C2orf72: variants seen among roughly 807,000 people sequenced by gnomAD.
C2orf72 encodes the protein chromosome 2 open reading frame 72.
A neutral mutation model predicts 14.4 loss-of-function variants in C2orf72; 16 were observed. That is an observed-to-expected ratio of 1.11 (90% CI 0.75 to 1.69). C2orf72 has a LOEUF of 1.69. Ranked by LOEUF, C2orf72 falls within the 40% of genes most tolerant of loss-of-function variation. The probability of loss-of-function intolerance (pLI) is 0.00; values close to 1 mark genes in which losing one functional copy is unlikely to be tolerated. For missense variants in C2orf72, 371 were observed against 358.3 expected (o/e 1.04, Z -0.29); for synonymous variants, 168 against 176.8 (o/e 0.95, Z 0.40).
chr2:231,044,962 T>TATATATATATATATAC (rs985747494), intron 2 of C2orf72, among the ~76,000 whole-genome samples: 78 of 146,428 alleles, frequency 5.3e-4, no homozygotes, highest in Non-Finnish European at 6.1e-4. Context: ...TATATATATA[T>TATATATATATATATAC]ACACACACAC....
chr2:231,046,367 C>CTT (rs1288122921), intron 2 of C2orf72, among the ~76,000 whole-genome samples: 1 of 147,248 alleles, frequency 6.8e-6, no homozygotes, highest in Non-Finnish European at 1.5e-5. Flanking sequence ...TATATATTGT[C>CTT]TTTAATACCT....
Position 231,038,065 on chromosome 2 carries a change from T to A in C2orf72, c.500T>A (p.Leu167Ter), listed in dbSNP as rs922773162. Residue 167 changes from leucine (L) to a stop codon, truncating the protein, a stop_gained, in exon 1 of 3, where the codon TTG becomes TAG. Transcript: ENST00000373640. LOFTEE classifies it high-confidence loss of function. Reference protein sequence around the residue: ...APGLRLLEALLRAVFGRQAGG... With the variant: ...APGLRLLEAL ...GGGCTGCGGCTGCTGGAGGCGCTGT[T>A]GCGCGCCGTGTTCGGCCGCCAGGCG... 23 of 1,125,944 alleles carry A rather than the reference T, an allele frequency of 2.0e-5. No homozygotes were observed. Among genetic ancestry groups the A allele is most frequent in the South Asian group, 4.3e-5 (1 of 23,402 alleles). 69.7% of individuals were successfully genotyped at this position (1,125,944 alleles called of 1,614,324 possible).
rs1213685619 is a variant in C2orf72 at position 231,037,631 on chromosome 2, G to T, written c.66G>T (p.Ala22=). The change falls in exon 1 of 3, where the codon GCG becomes GCT. Residue 22 remains alanine, a synonymous_variant. Coordinates refer to ENST00000373640, the MANE Select transcript of C2orf72 (RefSeq NM_001144994.2). ...GCCCTGCCGAGCCGCCCTTCCAGGC[G>T]TTGGTGGAAGCGGCGGGGGGCCGCG... is the stretch of plus-strand genomic sequence containing the variant. ...LARPAEPPFQ[A]LVEAAGGRGQ... The T allele has an allele frequency of 1.9e-5, 21 of 1,117,222 alleles. No individual in the cohort carries two copies. The highest frequency in any genetic ancestry group is 2.3e-5 in the Non-Finnish European group (21 of 910,468). 69.2% of individuals were successfully genotyped at this position (1,117,222 alleles called of 1,614,324 possible).
chr2:231,044,426 C>T (rs374000943), intron 2 of C2orf72, among the ~76,000 whole-genome samples: 2 of 152,174 alleles, frequency 1.3e-5, no homozygotes, highest in Non-Finnish European at 2.9e-5. Context: ...GAGGATGGCT[C>T]GGGCCCAAGA....
At chr2:231,039,806 G>A (rs969596511) in intron 1 of C2orf72, among the ~76,000 whole-genome samples, 2 of 151,082 alleles carry the variant, frequency 1.3e-5, no homozygotes, top group African/African-American at 4.9e-5. Context: ...GCAATGATGC[G>A]ATCTCTGCTC....
chr2:231,039,558 C>T (rs148388591), intron 1 of C2orf72, among the ~76,000 whole-genome samples: 2 of 152,240 alleles, frequency 1.3e-5, no homozygotes, highest in Non-Finnish European at 2.9e-5. Flanking sequence ...CTGCCAATGT[C>T]ACATTCACCT....
Position 231,047,503 on chromosome 2 carries a change from G to A in C2orf72, c.*482G>A, listed in dbSNP as rs375062605. On this transcript the variant is annotated 3_prime_UTR_variant, in exon 3 of 3. Coordinates refer to ENST00000373640, the MANE Select transcript of C2orf72 (RefSeq NM_001144994.2). ...TCACAAATGCATGAGGGGGCCACCA[G>A]CCCAGTGGCTTTAAACCAGGGGCAG... The A allele has an allele frequency of 1.7e-5, 5 of 286,964 alleles. No individual in the cohort carries two copies. The highest frequency in any genetic ancestry group is 1.1e-4 in the African/African-American group (5 of 45,768). 17.8% of individuals were successfully genotyped at this position (286,964 alleles called of 1,614,324 possible). A position where few individuals can be genotyped will look rare whatever the true frequency, so the allele number is the denominator to read the frequency against.
chr2:231,045,867 G>A (rs1693409065), intron 2 of C2orf72, among the ~76,000 whole-genome samples: 1 of 152,110 alleles, frequency 6.6e-6, no homozygotes, highest in Admixed American at 6.5e-5. Context: ...GTTCGTAATT[G>A]ACCAAAATGT....
chr2:231,047,554 A>C lies in C2orf72; in HGVS notation c.*533A>C. On this transcript the variant is annotated 3_prime_UTR_variant, in exon 3 of 3. Transcript: ENST00000373640. ...GTTGTCCCTCCAGGCAGCATTGGAA[A>C]TGTGTGTGTGTTGAGGGGGTCACAG... The C allele has an allele frequency of 3.7e-6, 1 of 270,944 alleles. No homozygotes were observed. The highest frequency in any genetic ancestry group is 7.4e-6 in the Non-Finnish European group (1 of 135,762). The allele number at this position is 270,944 out of a possible 1,614,324, so 16.8% of individuals were successfully genotyped here.
In C2orf72 at chr2:231,041,418, T is replaced by A. The variant is rs1312724128; in HGVS notation, c.748+9T>A. 1 of 1,540,116 alleles carries A rather than the reference T, an allele frequency of 6.5e-7. No individual in the cohort carries two copies. Among genetic ancestry groups the A allele is most frequent in the Non-Finnish European group, 8.8e-7 (1 of 1,137,552 alleles). On this transcript the variant is annotated intron_variant, in intron 2 of 2. Transcript: ENST00000373640. The stretch of plus-strand genomic sequence containing the variant: ...CAGAAGCTCAGCTCAGGGTGAGTGC[T>A]CCCCGACCTCCTGCATCCTGAGGGC...
intron 1 of C2orf72, among the ~76,000 whole-genome samples, chr2:231,038,474 A>T (rs946963435): frequency 6.0e-5 from 8 of 134,404 alleles, no homozygotes; most frequent in Admixed American, 4.5e-4. Flanking sequence ...GGGTAGAGAG[A>T]AGGGATGAAT....
intron 1 of C2orf72, among the ~76,000 whole-genome samples, chr2:231,038,684 G>A (rs1236699878): frequency 8.5e-5 from 13 of 152,108 alleles, no homozygotes; most frequent in Admixed American, 8.5e-4. Flanking sequence ...GGGGCGGAGG[G>A]GCATCTCCAG....
Position 231,047,741 on chromosome 2 carries a change from G to C in C2orf72, c.*720G>C. The C allele has an allele frequency of 6.4e-6, 1 of 156,660 alleles. No individual in the cohort carries two copies. The highest frequency in any genetic ancestry group is 1.4e-5 in the Non-Finnish European group (1 of 70,746). The allele number at this position is 156,660 out of a possible 1,614,324, so 9.7% of individuals were successfully genotyped here. A position where few individuals can be genotyped will look rare whatever the true frequency, so the allele number is the denominator to read the frequency against. ...GTCAGAGTCCCCCAGAGCAGAGAGG[G>C]TCAGGCTTCCCTGGACCTTGGCTCC... On this transcript the variant is annotated 3_prime_UTR_variant, in exon 3 of 3. Transcript: ENST00000373640.
In C2orf72 at chr2:231,047,102, G is replaced by A. The variant is rs1693428564; in HGVS notation, c.*81G>A. ...GTCTTACTGGCCCCCAGGTCTCCAT[G>A]GAGACTGCAGAAACCCCCGCCTGCT... On this transcript the variant is annotated 3_prime_UTR_variant, in exon 3 of 3. Transcript: ENST00000373640. 2 of 1,524,242 alleles carry A rather than the reference G, an allele frequency of 1.3e-6. No individual in the cohort carries two copies. The highest frequency in any genetic ancestry group is 1.8e-6 in the Non-Finnish European group (2 of 1,123,472). The allele number at this position is 1,524,242 out of a possible 1,614,324, so 94.4% of individuals were successfully genotyped here.
rs1406139487 is a variant in C2orf72, at chr2:231,048,939, G to A, written c.*1918G>A. 1.3e-5 allele frequency: 2 copies of A among 152,202 alleles called. No homozygotes were observed. Among genetic ancestry groups the A allele is most frequent in the Non-Finnish European group, 2.9e-5 (2 of 68,036 alleles). The allele number at this position is 152,202 out of a possible 1,614,324, so 9.4% of individuals were successfully genotyped here. The stretch of plus-strand genomic sequence containing the variant: ...ATTAAAGTTTTCTTATTTAGTGGGA[G>A]AGGGAGCTTTGTTTAAGTTTGGAAT... On this transcript the variant is annotated 3_prime_UTR_variant, in exon 3 of 3. Transcript: ENST00000373640.
chr2:231,048,082 T>C lies in C2orf72; in HGVS notation c.*1061T>C, dbSNP rs776173638. 7.2e-5 allele frequency: 11 copies of C among 152,260 alleles called. No individual in the cohort carries two copies. Among genetic ancestry groups the C allele is most frequent in the Non-Finnish European group, 1.2e-4 (8 of 68,074 alleles). 9.4% of individuals were successfully genotyped at this position (152,260 alleles called of 1,614,324 possible). ...AGCCCCTCCGGGCTCTCTGTTTCTG[T>C]GAGGTTCTGGAATCCCTTCCTCTGT... On this transcript the variant is annotated 3_prime_UTR_variant, in exon 3 of 3. Coordinates refer to ENST00000373640, the MANE Select transcript of C2orf72 (RefSeq NM_001144994.2).
At chr2:231,041,701 G>A (rs1055480347) in intron 2 of C2orf72, among the ~76,000 whole-genome samples, 3 of 151,988 alleles carry the variant, frequency 2.0e-5, no homozygotes, top group Non-Finnish European at 4.4e-5. Context: ...GACGTGCATG[G>A]GACCAAACAC....
At chr2:231,040,286 C>G (rs1408699407) in intron 1 of C2orf72, among the ~76,000 whole-genome samples, 1 of 152,180 alleles carries the variant, frequency 6.6e-6, no homozygotes. Context: ...TGATTTTGTT[C>G]CCTTGTGGGT....
Position 231,038,086 on chromosome 2 carries a change from A to T in C2orf72, c.521A>T (p.Gln174Leu). ...EALLRAVFGRQAGGPVQAAAY... is the reference protein window; with the variant it reads ...EALLRAVFGRLAGGPVQAAAY... ...CTGTTGCGCGCCGTGTTCGGCCGCC[A>T]GGCGGGGGGGCCCGTGCAGGCGGCC... is the stretch of plus-strand genomic sequence containing the variant. Residue 174 changes from glutamine to leucine, a missense_variant, in exon 1 of 3, where the codon CAG becomes CTG. Physicochemically the swap from Gln to Leu is moderately radical, Grantham distance 113. Around this residue, in one of 3 missense-constraint regions of C2orf72, gnomAD observed 145 missense variants for 149.4 expected, o/e 0.97. Coordinates refer to ENST00000373640, the MANE Select transcript of C2orf72 (RefSeq NM_001144994.2). The T allele has an allele frequency of 8.7e-7, 1 of 1,144,560 alleles. No individual in the cohort carries two copies. Among genetic ancestry groups the T allele is most frequent in the Non-Finnish European group, 1.1e-6 (1 of 932,704 alleles). 70.9% of individuals were successfully genotyped at this position (1,144,560 alleles called of 1,614,324 possible).
Sources: gnomAD v4.1 joint callset for allele counts (sites outside exome capture counted in the v4.1 genomes callset) on GRCh38, gnomAD v4.1.1 for gene constraint, gnomAD v4.1.1 regional missense constraint, MANE v1.5 for transcripts, NCBI Gene and HGNC (gene_info 2026-07-23, HGNC 2026-07-21) for gene names.